PCDH15: variants seen among roughly 807,000 people sequenced by gnomAD.
The protein encoded by PCDH15 is protocadherin related 15.
PCDH15 carries 129 observed loss-of-function variants against 178.5 expected under a neutral mutation model. The ratio of observed to expected loss-of-function variants is 0.72; its 90% CI spans 0.63 to 0.84. The LOEUF (loss-of-function observed/expected upper bound fraction) is 0.84. Among genes scored for constraint, PCDH15 ranks in the 40% least tolerant of loss-of-function variants. The pLI is 0.00. For synonymous variants in PCDH15, 800 were observed against 732.0 expected (o/e 1.09, Z -1.50); for missense variants, 2,230 against 2,099.9 (o/e 1.06, Z -1.21).
Position 53,940,713 on chromosome 10 carries a change from G to A in PCDH15, c.3232+153C>T, listed in dbSNP as rs557211892. Among the ~76,000 whole-genome samples, 15 of 152,192 alleles carry A rather than the reference G, an allele frequency of 9.9e-5. No individual in the cohort carries two copies. In the South Asian group the frequency reaches 2.9e-3, roughly 29 times the overall value. On this transcript the variant is annotated intron_variant, in intron 24 of 37. Coordinates refer to ENST00000644397, the MANE Select transcript of PCDH15 (RefSeq NM_001384140.1). ...AGCTAACATCACTGGATTTTTAATCGAGTTCAGGATACATGGTTAACAATT... is the reference window on the plus strand; with the variant it reads ...AGCTAACATCACTGGATTTTTAATCAAGTTCAGGATACATGGTTAACAATT...
intron 3 of PCDH15, among the ~76,000 whole-genome samples, chr10:54,382,527 C>T (rs1219082367): frequency 1.7e-4 from 26 of 152,128 alleles, no homozygotes; most frequent in Admixed American, 1.6e-3. Context: ...TGACATGCTT[C>T]TACCCCAAAG....
intron 9 of PCDH15, among the ~76,000 whole-genome samples, chr10:54,229,370 G>T (rs1049426815): frequency 1.3e-5 from 2 of 152,074 alleles, no homozygotes; most frequent in African/African-American, 4.8e-5. Flanking sequence ...TTAAATATTA[G>T]AGTGTGTACT....
intron 2 of PCDH15, among the ~76,000 whole-genome samples, chr10:54,594,185 T>C (rs1030980742): frequency 1.3e-5 from 2 of 152,068 alleles, no homozygotes; most frequent in East Asian, 3.9e-4. Context: ...CCATGGACAC[T>C]TGAGTTGGCA....
chr10:54,834,583 GA>G (rs1303284493), intron 3 of PCDH15, among the ~76,000 whole-genome samples: 3 of 150,144 alleles, frequency 2.0e-5, no homozygotes, highest in African/African-American at 4.9e-5. Flanking sequence ...AAGAGACAAG[GA>G]AAAAAAAGAA....
At chr10:55,571,936 T>C (rs1052793137) in intron 2 of PCDH15, among the ~76,000 whole-genome samples, 3 of 152,108 alleles carry the variant, frequency 2.0e-5, no homozygotes, top group Non-Finnish European at 2.9e-5. Flanking sequence ...ATAAGTCTGC[T>C]AGGATATTTT....
chr10:53,840,373 G>A lies in PCDH15; in HGVS notation c.3930C>T (p.Val1310=), dbSNP rs1472316365. ...LEDYTKCDLT[V]YAIDPQTNRA... ...TGTTGGTTTGGGGGTCAATTGCATA[G>A]ACAGTCAAGTCACATTTGGTGTAAT... Residue 1310 remains valine, a synonymous_variant, in exon 29 of 38, where the codon GTC becomes GTT. Transcript: ENST00000644397. 1 of 1,614,100 alleles carries A rather than the reference G, an allele frequency of 6.2e-7. No individual in the cohort carries two copies. Among genetic ancestry groups the A allele is most frequent in the African/African-American group, 1.3e-5 (1 of 75,030 alleles).
At chr10:54,369,368 A>G (rs1306549722) in intron 4 of PCDH15, 93 bp from the exon 5 acceptor site, 3 of 1,104,648 alleles carry the variant, frequency 2.7e-6, no homozygotes, top group African/African-American at 3.1e-5. Context: ...ACATTTTTCT[A>G]TTCTTGTTTA....
intron 2 of PCDH15, among the ~76,000 whole-genome samples, chr10:54,913,946 C>CT (rs1954861317): frequency 1.3e-5 from 2 of 152,150 alleles, no homozygotes; most frequent in Admixed American, 1.3e-4. Flanking sequence ...TTAGAACTAA[C>CT]TATCTTGTTT....
intron 2 of PCDH15, among the ~76,000 whole-genome samples, chr10:55,495,837 C>T (rs898189893): frequency 6.6e-6 from 1 of 151,808 alleles, no homozygotes; most frequent in Non-Finnish European, 1.5e-5. Flanking sequence ...ATCCATGTGC[C>T]TTTCAACTGA....
chr10:54,564,756 T>G (rs995383184), intron 2 of PCDH15, among the ~76,000 whole-genome samples: 8 of 152,134 alleles, frequency 5.3e-5, no homozygotes, highest in African/African-American at 1.9e-4. Context: ...GGAATATAAT[T>G]CTATCTCTTT....
intron 2 of PCDH15, among the ~76,000 whole-genome samples, chr10:54,627,094 T>A (rs2093576018): frequency 6.6e-6 from 1 of 152,208 alleles, no homozygotes; most frequent in African/African-American, 2.4e-5. Context: ...CCAACGACTG[T>A]ATCTGCATTG....
intron 1 of PCDH15, among the ~76,000 whole-genome samples, chr10:54,680,496 A>C (rs1225945091): frequency 1.3e-5 from 2 of 152,008 alleles, no homozygotes; most frequent in African/African-American, 4.8e-5. Flanking sequence ...ATACAAATAT[A>C]GTTTAGGTTG....
In PCDH15 at chr10:54,995,540, C is replaced by T. The variant is rs537087340; in HGVS notation, c.-79-98040G>A. Among the ~76,000 whole-genome samples, 4 of 151,740 alleles carry T rather than the reference C, an allele frequency of 2.6e-5. No individual in the cohort carries two copies. The East Asian group carries it at 5.8e-4, about 22-fold the overall frequency. ...TGCCCATAACAACTTCTAATATTCT[C>T]GGTGCTAAATGGTGTCAGTGAAACT... On this transcript the variant is annotated intron_variant, in intron 2 of 5. Coordinates refer to the PCDH15 transcript ENST00000458638.
At chr10:55,501,632 A>G (rs796289462) in intron 2 of PCDH15, among the ~76,000 whole-genome samples, 35 of 151,898 alleles carry the variant, frequency 2.3e-4, no homozygotes, top group African/African-American at 7.9e-4. Flanking sequence ...GAAATCTTAA[A>G]GCTGCCAAGT....
At chr10:55,290,252 C>A (rs1842974950) in intron 1 of PCDH15, among the ~76,000 whole-genome samples, 1 of 151,744 alleles carries the variant, frequency 6.6e-6, no homozygotes, top group Admixed American at 6.6e-5. Flanking sequence ...CTATTAATGT[C>A]TATAAATGTG....
chr10:53,806,550 A>ATTAT lies in PCDH15; in HGVS notation c.*28_*29insATAA. 6.7e-7 allele frequency: 1 copy of ATTAT among 1,494,238 alleles called. No homozygotes were observed. Among genetic ancestry groups the ATTAT allele is most frequent in the East Asian group, 2.5e-5 (1 of 40,356 alleles). The allele number at this position is 1,494,238 out of a possible 1,614,324, so 92.6% of individuals were successfully genotyped here. A position where few individuals can be genotyped will look rare whatever the true frequency, so the allele number is the denominator to read the frequency against. ...CAGTTTATTAAAAATGTAAGTAAAA[A>ATTAT]TTAATTAAAATATCTTTTAAAAAAT... On this transcript the variant is annotated 3_prime_UTR_variant, in exon 38 of 38. Transcript: ENST00000644397.
chr10:53,928,532 T>C (rs2084772821), intron 25 of PCDH15, among the ~76,000 whole-genome samples: 1 of 152,078 alleles, frequency 6.6e-6, no homozygotes, highest in Non-Finnish European at 1.5e-5. Flanking sequence ...TATCTATCAA[T>C]GTTAAACTAC....
rs530232357 is a variant in PCDH15 at position 55,185,097 on chromosome 10, C to T, written c.-155-18446G>A. ...TAATATTAAAAACATTTTTGAAGCA[C>T]AGAGTCATAGTGAAAACAATGTTTA... On this transcript the variant is annotated intron_variant, in intron 1 of 5. Coordinates refer to the PCDH15 transcript ENST00000458638. Among the ~76,000 whole-genome samples, 14 of 151,886 alleles carry T rather than the reference C, an allele frequency of 9.2e-5. No homozygotes were observed. In the East Asian group the frequency reaches 2.5e-3, roughly 27 times the overall value.
chr10:54,599,258 C>T (rs994942999), intron 2 of PCDH15, among the ~76,000 whole-genome samples: 2 of 151,926 alleles, frequency 1.3e-5, no homozygotes, highest in Non-Finnish European at 2.9e-5. Context: ...TTCAAACTAT[C>T]CTACAGGGCT....
Sources: allele counts gnomAD v4.1 joint callset (sites outside exome capture counted in the v4.1 genomes callset), GRCh38; gene constraint gnomAD v4.1.1; transcripts MANE v1.5; gene names NCBI Gene and HGNC (gene_info 2026-07-23, HGNC 2026-07-21).